Variants in RXFP2 observed in about 807,000 individuals in gnomAD.
RXFP2 encodes relaxin family peptide receptor 2, also known as relaxin receptor 2.
Under a neutral mutation model 88.6 loss-of-function variants are expected in RXFP2, and 68 were observed. The ratio of observed to expected loss-of-function variants is 0.77; its 90% CI spans 0.63 to 0.94. RXFP2 has a LOEUF of 0.94. Ranked by LOEUF, RXFP2 falls within the 40% of genes least tolerant of loss-of-function variation. RXFP2 has a pLI of 0.00. For missense variants in RXFP2, 791 were observed against 893.9 expected, an observed-to-expected ratio of 0.88 and a Z score of 1.47; for synonymous variants, 329 against 306.8, an observed-to-expected ratio of 1.07 and a Z score of -0.76.
At chr13:31,757,921 G>A (rs192623251) in intron 1 of RXFP2, among the ~76,000 whole-genome samples, 8 of 152,064 alleles carry the variant, frequency 5.3e-5, no homozygotes, top group Middle Eastern at 3.4e-3. Flanking sequence ...GTGAAACCCC[G>A]TCTCTACTAA....
chr13:31,786,039 C>A (rs1873522040), intron 11 of RXFP2, among the ~76,000 whole-genome samples: 1 of 152,144 alleles, frequency 6.6e-6, no homozygotes, highest in African/African-American at 2.4e-5. Context: ...GTATATGAAG[C>A]AAGTGGCAAT....
chr13:31,792,601 T>C, intron 15 of RXFP2, 77 bp from the exon 16 acceptor site: 1 of 1,383,012 alleles, frequency 7.2e-7, no homozygotes, highest in East Asian at 2.3e-5. Context: ...ATTAAAATGC[T>C]GGAAATAGAC....
chr13:31,763,080 A>T (rs1321322282), intron 3 of RXFP2, among the ~76,000 whole-genome samples: 1 of 98,736 alleles, frequency 1.0e-5, no homozygotes, highest in Non-Finnish European at 2.0e-5. Flanking sequence ...GTGTCTGGAG[A>T]CTTTTTTTTT....
chr13:31,750,115 C>T (rs551530410), intron 1 of RXFP2, among the ~76,000 whole-genome samples: 3 of 152,278 alleles, frequency 2.0e-5, no homozygotes, highest in African/African-American at 7.2e-5. Flanking sequence ...TGACAAACTG[C>T]AAGAAAATAT....
intron 16 of RXFP2, among the ~76,000 whole-genome samples, chr13:31,794,283 G>A (rs945988533): frequency 4.6e-5 from 7 of 151,558 alleles, no homozygotes; most frequent in Middle Eastern, 3.4e-3. Flanking sequence ...AGTATTACAG[G>A]CTGTTCTTTG....
At chr13:31,787,382 T>C (rs1351312390) in intron 13 of RXFP2, among the ~76,000 whole-genome samples, 1 of 152,228 alleles carries the variant, frequency 6.6e-6, no homozygotes, top group Non-Finnish European at 1.5e-5. Flanking sequence ...TTAGTGAGCA[T>C]CCACTGATGA....
chr13:31,800,800 T>A (rs1593476429), intron 17 of RXFP2, among the ~76,000 whole-genome samples: 1 of 151,910 alleles, frequency 6.6e-6, no homozygotes, highest in Non-Finnish European at 1.5e-5. Flanking sequence ...AGGCCACTTA[T>A]TTTGTTTTTC....
At chr13:31,798,216 G>A (rs1355100223) in intron 17 of RXFP2, among the ~76,000 whole-genome samples, 2 of 152,168 alleles carry the variant, frequency 1.3e-5, no homozygotes, top group Non-Finnish European at 1.5e-5. Flanking sequence ...ATGCACAGAC[G>A]ATAAACAGCT....
chr13:31,757,790 G>T (rs1213401119), intron 1 of RXFP2, among the ~76,000 whole-genome samples: 1 of 152,050 alleles, frequency 6.6e-6, no homozygotes, highest in Non-Finnish European at 1.5e-5. Flanking sequence ...GTGTGATTAT[G>T]GCTGTTTAAA....
chr13:31,741,678 C>G (rs1871229402), intron 1 of RXFP2, among the ~76,000 whole-genome samples: 1 of 151,984 alleles, frequency 6.6e-6, no homozygotes, highest in African/African-American at 2.4e-5. Context: ...TGAGTGATTG[C>G]CTTAAGCTAC....
intron 1 of RXFP2, among the ~76,000 whole-genome samples, chr13:31,754,456 G>T (rs562208484): frequency 2.0e-5 from 3 of 152,088 alleles, no homozygotes; most frequent in Non-Finnish European, 4.4e-5. Context: ...GCTTAAACCC[G>T]GGAGGGGGAG....
intron 5 of RXFP2, among the ~76,000 whole-genome samples, chr13:31,767,289 C>A (rs913647165): frequency 6.6e-6 from 1 of 152,108 alleles, no homozygotes; most frequent in Non-Finnish European, 1.5e-5. Context: ...CTCTGTAAAC[C>A]CCGGCTGCTC....
In RXFP2 at chr13:31,743,473, T is replaced by TA. The variant is rs34035221; in HGVS notation, c.94+3780dup. On this transcript the variant is annotated intron_variant, in intron 1 of 17. Transcript: ENST00000298386. ...ACAGAGCGAGACTCTGTCTCAAAAT[T>TA]AAAAAAAAAAAAATTAAAGAATTGC... 1.8e-3 allele frequency among the ~76,000 whole-genome samples: 262 copies of TA among 148,454 alleles called. 1 individual carries two copies. Among genetic ancestry groups the TA allele is most frequent in the African/African-American group, 5.6e-3 (223 of 40,180 alleles).
rs1262150474 is a variant in RXFP2, at chr13:31,764,243, T to TCTCA, written c.320-793_320-792insTCAC. Among the ~76,000 whole-genome samples the TCTCA allele has an allele frequency of 1.3e-3, 167 of 131,764 alleles. 1 individual carries two copies. The highest frequency in any genetic ancestry group is 4.5e-3 in the African/African-American group (159 of 35,114). The allele number at this position is 131,764 out of a possible 152,430, so 86.4% of individuals were successfully genotyped here. On this transcript the variant is annotated intron_variant, in intron 3 of 17. Transcript: ENST00000298386. Reference sequence around the variant, plus strand: ...CTGCCCTCGTCTGTCTCTCTCTCTTTCACACACACACACACACACACACAC... The same window carrying TCTCA: ...CTGCCCTCGTCTGTCTCTCTCTCTTTCTCACACACACACACACACACACACACAC...
chr13:31,786,491 G>A, intron 12 of RXFP2, 37 bp downstream of exon 12: 1 of 1,545,322 alleles, frequency 6.5e-7, no homozygotes, highest in East Asian at 2.2e-5. Flanking sequence ...GATTTAAAGG[G>A]CAATATTTTG....
At chr13:31,768,335 T>C (rs1232643625) in intron 5 of RXFP2, among the ~76,000 whole-genome samples, 1 of 152,190 alleles carries the variant, frequency 6.6e-6, no homozygotes, top group Non-Finnish European at 1.5e-5. Context: ...GTGTCTATTA[T>C]ATGTAAGATA....
At chr13:31,743,985 C>G (rs1352409895) in intron 1 of RXFP2, among the ~76,000 whole-genome samples, 1 of 152,152 alleles carries the variant, frequency 6.6e-6, no homozygotes, top group African/African-American at 2.4e-5. Context: ...CTTAAGTATT[C>G]CTGTCTCTAA....
At chr13:31,798,069 C>T (rs1008191064) in intron 17 of RXFP2, among the ~76,000 whole-genome samples, 5 of 152,140 alleles carry the variant, frequency 3.3e-5, no homozygotes, top group South Asian at 2.1e-4. Flanking sequence ...TTGGAATCAT[C>T]GTCAACCTAC....
At chr13:31,764,488 A>G (rs1381210726) in intron 3 of RXFP2, among the ~76,000 whole-genome samples, 1 of 152,236 alleles carries the variant, frequency 6.6e-6, no homozygotes, top group Non-Finnish European at 1.5e-5. Flanking sequence ...ACCTCATAGT[A>G]ATAAAAAACA....
Sources: allele counts gnomAD v4.1 joint callset (sites outside exome capture counted in the v4.1 genomes callset), GRCh38; gene constraint gnomAD v4.1.1; transcripts MANE v1.5; gene names NCBI Gene and HGNC (gene_info 2026-07-23, HGNC 2026-07-21).